HECW1: variants seen among roughly 807,000 people sequenced by gnomAD.
HECW1 encodes the protein E3 ubiquitin-protein ligase HECW1.
A neutral mutation model predicts 182.3 loss-of-function variants in HECW1; 61 were observed. The ratio of observed to expected loss-of-function variants is 0.33; its 90% CI spans 0.27 to 0.41. HECW1 has a LOEUF of 0.41. HECW1 is among the 10% of genes least tolerant of loss of function. HECW1 has a pLI of 1.00. For missense variants in HECW1, 1,739 were observed against 2,108.9 expected (o/e 0.82, Z 3.44); for synonymous variants, 859 against 832.6 (o/e 1.03, Z -0.55).
At chr7:43,221,740 A>G (rs1371173233) in intron 2 of HECW1, among the ~76,000 whole-genome samples, 1 of 151,594 alleles carries the variant, frequency 6.6e-6, no homozygotes, top group Non-Finnish European at 1.5e-5. Flanking sequence ...TTTTTAGTAG[A>G]GACAGGGTTT....
intron 7 of HECW1, among the ~76,000 whole-genome samples, chr7:43,397,660 G>A (rs1200622260): frequency 1.3e-5 from 2 of 152,096 alleles, no homozygotes; most frequent in Admixed American, 6.6e-5. Flanking sequence ...TCTTAAGGGT[G>A]GGGGAGTATC....
rs767523635 is a variant in HECW1, at chr7:43,320,749, A to G, written c.460+7A>G. 1 of 1,597,808 alleles carries G rather than the reference A, an allele frequency of 6.3e-7. No homozygotes were observed. The highest frequency in any genetic ancestry group is 2.2e-5 in the East Asian group (1 of 44,830). On this transcript the variant is annotated splice_region_variant and intron_variant, in intron 5 of 29. Transcript: ENST00000395891. ...AGCTCGTACTTTGTGGAACGTGAGTACCTTTACCATTCTTGTGGCTTGGCA... is the reference window on the plus strand; with the variant it reads ...AGCTCGTACTTTGTGGAACGTGAGTGCCTTTACCATTCTTGTGGCTTGGCA...
chr7:43,364,572 G>A (rs1029781401), intron 6 of HECW1, among the ~76,000 whole-genome samples: 3 of 152,260 alleles, frequency 2.0e-5, no homozygotes, highest in Admixed American at 1.3e-4. Context: ...AGGAGGGGGC[G>A]TGGCCTGAGG....
At chr7:43,421,081 T>C (rs939209024) in intron 8 of HECW1, among the ~76,000 whole-genome samples, 2 of 152,196 alleles carry the variant, frequency 1.3e-5, no homozygotes, top group Non-Finnish European at 2.9e-5. Flanking sequence ...TAGTGTGGCA[T>C]TGGCACAGAA....
At chr7:43,219,682 A>G (rs1796783636) in intron 2 of HECW1, among the ~76,000 whole-genome samples, 3 of 152,310 alleles carry the variant, frequency 2.0e-5, no homozygotes, top group South Asian at 4.1e-4. Context: ...GGATTTTCAC[A>G]GTGCTTTTCT....
At chr7:43,528,473 C>T (rs1013662270) in intron 24 of HECW1, among the ~76,000 whole-genome samples, 11 of 152,172 alleles carry the variant, frequency 7.2e-5, no homozygotes, top group Non-Finnish European at 1.5e-4. Context: ...ACAAGCTAAC[C>T]AGAATGATGG....
intron 2 of HECW1, among the ~76,000 whole-genome samples, chr7:43,180,309 A>C (rs1308605146): frequency 2.3e-5 from 3 of 129,600 alleles, no homozygotes; most frequent in African/African-American, 9.3e-5. Context: ...TGGAGGGTGC[A>C]CAAAAAACTT....
Position 43,444,668 on chromosome 7 carries a change from G to T in HECW1, c.1496G>T (p.Arg499Met). The T allele has an allele frequency of 1.2e-6, 2 of 1,605,568 alleles. No individual in the cohort carries two copies. Among genetic ancestry groups the T allele is most frequent in the East Asian group, 2.3e-5 (1 of 44,428 alleles). Residue 499 changes from arginine (R) to methionine (M), a missense_variant, in exon 11 of 30, where the codon AGG (arginine) becomes ATG (methionine). Around this residue, in one of 5 missense-constraint regions of HECW1, gnomAD observed 971 missense variants for 1,029.1 expected, o/e 0.94. Transcript: ENST00000395891. This position sits in a 1 kb window ranked among gnomAD's most constrained non-coding sequence, Gnocchi z 4.3. ...GCAACGACCCAGAGCCGGGCTGGAA[G>T]GGAAGAAGAGGAGAAGGAGCAGGAG... ...EEATTQSRAGREEEEKEQEEE... is the reference protein window; with the variant it reads ...EEATTQSRAGMEEEEKEQEEE...
Position 43,360,972 on chromosome 7 carries a change from G to A in HECW1, c.547G>A (p.Ala183Thr), listed in dbSNP as rs540865392. Residue 183 changes from alanine (A) to threonine (T), a missense_variant, in exon 6 of 30, where the codon GCA (alanine) becomes ACA (threonine). Around this residue, in one of 5 missense-constraint regions of HECW1, gnomAD observed 279 missense variants for 353.1 expected, o/e 0.79. Coordinates refer to ENST00000395891, the MANE Select transcript of HECW1 (RefSeq NM_015052.5). ...TTPSVTVKNS[A>T]APIFKSIGAD... ...CCCCAGTGTCACGGTCAAAAACTCG[G>A]CAGCTCCTGTAAGTCTCATTTCTCC... 6.2e-7 allele frequency: 1 copy of A among 1,609,314 alleles called. No individual in the cohort carries two copies. The highest frequency in any genetic ancestry group is 1.3e-5 in the African/African-American group (1 of 74,862).
intron 8 of HECW1, among the ~76,000 whole-genome samples, 191 bp from the exon 9 acceptor site, chr7:43,437,812 C>T (rs1460498078): frequency 6.6e-6 from 1 of 152,068 alleles, no homozygotes; most frequent in Non-Finnish European, 1.5e-5. Flanking sequence ...TATTTTTAAG[C>T]CCTGCAGAAG....
chr7:43,436,238 G>A (rs1034650961), intron 8 of HECW1, among the ~76,000 whole-genome samples: 2 of 151,716 alleles, frequency 1.3e-5, no homozygotes, highest in African/African-American at 4.8e-5. Context: ...TTTATTTCAG[G>A]TGTTTCACAG....
At chr7:43,421,084 G>A (rs2076167499) in intron 8 of HECW1, among the ~76,000 whole-genome samples, 1 of 152,196 alleles carries the variant, frequency 6.6e-6, no homozygotes, top group Non-Finnish European at 1.5e-5. Flanking sequence ...TGTGGCATTG[G>A]CACAGAACAG....
At chr7:43,288,774 C>G (rs1265991411) in intron 3 of HECW1, among the ~76,000 whole-genome samples, 1 of 152,166 alleles carries the variant, frequency 6.6e-6, no homozygotes, top group Non-Finnish European at 1.5e-5. Flanking sequence ...GTCCATTTTG[C>G]CCTGTTATTC....
chr7:43,540,395 G>A (rs374385718), intron 24 of HECW1, among the ~76,000 whole-genome samples: 1 of 152,204 alleles, frequency 6.6e-6, no homozygotes, highest in African/African-American at 2.4e-5. Flanking sequence ...AGACCAGGCA[G>A]GCAAGAAGCT....
At chr7:43,298,907 C>T (rs892981868) in intron 3 of HECW1, among the ~76,000 whole-genome samples, 5 of 152,094 alleles carry the variant, frequency 3.3e-5, no homozygotes, top group African/African-American at 7.2e-5. Flanking sequence ...TGCTGTTTTC[C>T]GCATACAAGG....
intron 29 of HECW1, among the ~76,000 whole-genome samples, chr7:43,561,387 G>T (rs962995001): frequency 3.3e-5 from 5 of 152,178 alleles, no homozygotes; most frequent in Admixed American, 2.0e-4. Flanking sequence ...GCCATCTCAG[G>T]TTCCTCTAAA....
intron 24 of HECW1, 104 bp from the exon 25 acceptor site, chr7:43,541,059 C>A: frequency 1.2e-6 from 1 of 869,132 alleles, no homozygotes; most frequent in Admixed American, 1.9e-5. Flanking sequence ...ATTCCTTAAG[C>A]AGCTTAAGAT....
chr7:43,412,425 T>TTTTATTTATTTA lies in HECW1; in HGVS notation c.801+4718_801+4729dup, dbSNP rs200549707. Among the ~76,000 whole-genome samples, 41 of 147,104 alleles carry TTTTATTTATTTA rather than the reference T, an allele frequency of 2.8e-4. 1 individual carries two copies. In the East Asian group the frequency reaches 3.4e-3, roughly 12 times the overall value. On this transcript the variant is annotated intron_variant, in intron 8 of 29. Coordinates refer to ENST00000395891, the MANE Select transcript of HECW1 (RefSeq NM_015052.5). ...TCCTATTTCTAATGCTTTTCATTTC[T>TTTTATTTATTTA]TTTATTTATTTATTTATTTATTTAT...
intron 8 of HECW1, among the ~76,000 whole-genome samples, chr7:43,422,868 G>A (rs2076232835): frequency 6.6e-6 from 1 of 151,630 alleles, no homozygotes; most frequent in Admixed American, 6.6e-5. Flanking sequence ...CTGTCACCTG[G>A]AGATAAATCG....
Sources: gnomAD v4.1 joint callset for allele counts (sites outside exome capture counted in the v4.1 genomes callset) on GRCh38, gnomAD v4.1.1 for gene constraint, gnomAD v4.1.1 regional missense constraint, Gnocchi (gnomAD v3.1) non-coding constraint, MANE v1.5 for transcripts, NCBI Gene and HGNC (gene_info 2026-07-23, HGNC 2026-07-21) for gene names.